The following STX5 variants were observed in gnomAD, a reference collection of about 807,000 sequenced individuals.
STX5 encodes the protein syntaxin 5.
A neutral mutation model predicts 42.9 loss-of-function variants in STX5; 15 were observed. That is an observed-to-expected ratio of 0.35 (90% confidence interval 0.23 to 0.54). STX5 has a LOEUF of 0.54. STX5 is among the 20% of genes least tolerant of loss of function. The pLI, the probability that STX5 is intolerant of heterozygous loss-of-function variation, is 0.91. For missense variants in STX5, 430 were observed against 455.0 expected (o/e 0.95, Z 0.50); for synonymous variants, 184 against 173.2 (o/e 1.06, Z -0.49).
In STX5 at chr11:62,831,159, C is replaced by T; in HGVS notation, c.85G>A (p.Ala29Thr). The T allele has an allele frequency of 6.4e-7, 1 of 1,561,572 alleles. No homozygotes were observed. Among genetic ancestry groups the T allele is most frequent in the Non-Finnish European group, 8.7e-7 (1 of 1,152,372 alleles). ...TCGCTGCTGCTACTGCCAGCAGTTGCAGGGGACAGGACCTGTGTCTTTGAG... is the reference window on the plus strand; with the variant it reads ...TCGCTGCTGCTACTGCCAGCAGTTGTAGGGGACAGGACCTGTGTCTTTGAG... The part of the protein sequence containing the change: ...GLSKTQVLSP[A>T]TAGSSSSDIA... The change falls in exon 2 of 11, where the codon GCA becomes ACA. Residue 29 changes from alanine to threonine, a missense_variant. Ala to Thr is a moderately conservative substitution (Grantham distance 58). Coordinates refer to ENST00000294179, the MANE Select transcript of STX5 (RefSeq NM_003164.5).
intron 10 of STX5, among the ~76,000 whole-genome samples, chr11:62,815,448 G>A (rs2084663043): frequency 7.1e-6 from 1 of 141,204 alleles, no homozygotes; most frequent in African/African-American, 2.6e-5. Flanking sequence ...TATTTTTTGA[G>A]ACAGAGTATC....
chr11:62,812,582 C>T (rs1188952664), intron 10 of STX5, among the ~76,000 whole-genome samples: 4 of 151,652 alleles, frequency 2.6e-5, no homozygotes, highest in Non-Finnish European at 5.9e-5. Flanking sequence ...CCACACCCGG[C>T]TAATTTTTTT....
chr11:62,830,267 C>CT (rs2084841874), intron 2 of STX5: 1 of 199,362 alleles, frequency 5.0e-6, no homozygotes, highest in Non-Finnish European at 1.1e-5. Flanking sequence ...TCCCAAAGTG[C>CT]TGGAATTACA....
intron 10 of STX5, among the ~76,000 whole-genome samples, chr11:62,823,720 ATTT>A (rs1163617202): frequency 1.3e-5 from 2 of 151,508 alleles, no homozygotes; most frequent in African/African-American, 4.9e-5. Flanking sequence ...TAGTTTTTGT[ATTT>A]TTTTGTAGAG....
intron 2 of STX5, among the ~76,000 whole-genome samples, chr11:62,828,663 C>T (rs1050623452): frequency 6.6e-6 from 1 of 152,064 alleles, no homozygotes; most frequent in South Asian, 2.1e-4. Flanking sequence ...GAGGTGGAGG[C>T]TGCCGTGAGC....
rs553415703 is a variant in STX5, at chr11:62,823,539, G to C, written c.908+627C>G. On this transcript the variant is annotated intron_variant, in intron 10 of 10. Coordinates refer to ENST00000294179, the MANE Select transcript of STX5 (RefSeq NM_003164.5). ...TTTATTACTCCCTGAAATTTTGTTG[G>C]TCAATTTTTTATTTTTATTTTTTTG... Among the ~76,000 whole-genome samples, 4 of 151,500 alleles carry C rather than the reference G, an allele frequency of 2.6e-5. No homozygotes were observed. The East Asian group carries it at 5.8e-4, about 22-fold the overall frequency.
At chr11:62,820,214 C>CA (rs1321866324) in intron 10 of STX5, among the ~76,000 whole-genome samples, 1 of 150,406 alleles carries the variant, frequency 6.6e-6, no homozygotes, top group Non-Finnish European at 1.5e-5. Flanking sequence ...ACTAAAAATA[C>CA]AAAAAAAATT....
intron 10 of STX5, 142 bp downstream of exon 10, chr11:62,824,024 G>C (rs1387745868): frequency 5.2e-6 from 7 of 1,354,724 alleles, no homozygotes; most frequent in Non-Finnish European, 7.1e-6. Context: ...TTGGGTGGAT[G>C]GAAGCAGGTG....
At chr11:62,810,963 AAC>A (rs537442490) in intron 10 of STX5, among the ~76,000 whole-genome samples, 115 of 152,304 alleles carry the variant, frequency 7.6e-4, no homozygotes, top group African/African-American at 2.6e-3. Flanking sequence ...TCCTGACTCA[AAC>A]ACATCCTTAC....
chr11:62,818,942 G>C (rs973906997), intron 10 of STX5, among the ~76,000 whole-genome samples: 2 of 151,912 alleles, frequency 1.3e-5, no homozygotes, highest in South Asian at 4.1e-4. Flanking sequence ...AGGTGAGGCC[G>C]GGTGCGGTGG....
At chr11:62,817,871 ATATATATG>A (rs2084692768) in intron 10 of STX5, among the ~76,000 whole-genome samples, 1 of 152,192 alleles carries the variant, frequency 6.6e-6, no homozygotes. Flanking sequence ...ACCTGGAAAC[ATATATATG>A]TATATATTTC....
intron 10 of STX5, among the ~76,000 whole-genome samples, chr11:62,820,999 C>T (rs758295795): frequency 3.3e-5 from 5 of 152,018 alleles, no homozygotes; most frequent in Non-Finnish European, 7.4e-5. Context: ...TAACTTTTCA[C>T]AGCCTACTTC....
At chr11:62,814,366 G>T (rs1053185920) in intron 10 of STX5, among the ~76,000 whole-genome samples, 6 of 152,056 alleles carry the variant, frequency 3.9e-5, no homozygotes, top group African/African-American at 1.4e-4. Flanking sequence ...TCACCATGTT[G>T]ATCAGCCTGG....
At chr11:62,828,774 TAC>T (rs2084823617) in intron 2 of STX5, among the ~76,000 whole-genome samples, 1 of 150,474 alleles carries the variant, frequency 6.6e-6, no homozygotes, top group South Asian at 2.1e-4. Flanking sequence ...AATAAATAAA[TAC>T]AGTTACTTGG....
chr11:62,830,924 C>A, intron 2 of STX5, 95 bp downstream of exon 2: 1 of 1,149,428 alleles, frequency 8.7e-7, no homozygotes. Flanking sequence ...CCATCAGGTA[C>A]CCCCCAAAAT....
intron 2 of STX5, chr11:62,830,293 A>T (rs1812617210): frequency 3.2e-5 from 8 of 253,112 alleles, no homozygotes; most frequent in South Asian, 3.1e-4. Flanking sequence ...GAGCCACCAC[A>T]TCCAACCCTA....
chr11:62,830,941 G>A, intron 2 of STX5, 78 bp downstream of exon 2: 3 of 1,331,230 alleles, frequency 2.3e-6, no homozygotes, highest in Non-Finnish European at 3.2e-6. Flanking sequence ...AAATTACTTC[G>A]GTTAACAGTG....
At chr11:62,821,819 A>G (rs759107138) in intron 10 of STX5, among the ~76,000 whole-genome samples, 1 of 151,936 alleles carries the variant, frequency 6.6e-6, no homozygotes, top group Non-Finnish European at 1.5e-5. Flanking sequence ...TGACATCAAG[A>G]GATTAAGACC....
intron 10 of STX5, among the ~76,000 whole-genome samples, chr11:62,816,632 A>G (rs1020822854): frequency 4.0e-5 from 6 of 149,570 alleles, no homozygotes; most frequent in Non-Finnish European, 8.9e-5. Flanking sequence ...CCTATCAGCT[A>G]TTACTCCATT....
Sources: gnomAD v4.1 joint callset for allele counts (sites outside exome capture counted in the v4.1 genomes callset) on GRCh38, gnomAD v4.1.1 for gene constraint, MANE v1.5 for transcripts, NCBI Gene and HGNC (gene_info 2026-07-23, HGNC 2026-07-21) for gene names.